The following ELFN2 variants were observed in gnomAD, a reference collection of about 807,000 sequenced individuals.
ELFN2 encodes protein phosphatase 1 regulatory subunit 29.
A neutral mutation model predicts 45.5 loss-of-function variants in ELFN2; 17 were observed. The ratio of observed to expected loss-of-function variants is 0.37; its 90% CI spans 0.26 to 0.56. The LOEUF is 0.56. Among genes scored for constraint, ELFN2 ranks in the 20% least tolerant of loss-of-function variants. The pLI is 0.77. For missense variants in ELFN2, 922 were observed against 1,183.2 expected, an observed-to-expected ratio of 0.78 and a Z score of 3.24; for synonymous variants, 550 against 551.5, an observed-to-expected ratio of 1.00 and a Z score of 0.04.
chr22:37,420,760 C>A (rs1234447126), intron 1 of ELFN2, among the ~76,000 whole-genome samples: 4 of 152,192 alleles, frequency 2.6e-5, no homozygotes, highest in Admixed American at 2.6e-4. Flanking sequence ...CTTACAGCAG[C>A]AGTCAACGAA....
chr22:37,426,155 G>A (rs1470035518), intron 1 of ELFN2, among the ~76,000 whole-genome samples: 1 of 152,042 alleles, frequency 6.6e-6, no homozygotes, highest in Non-Finnish European at 1.5e-5. Context: ...TGCTGGGTGG[G>A]AGGAGTCCAG....
chr22:37,341,468 G>T (rs9610718), intron 2 of ELFN2, among the ~76,000 whole-genome samples: 1 of 152,234 alleles, frequency 6.6e-6, no homozygotes, highest in African/African-American at 2.4e-5. Flanking sequence ...GAGGAGGGAA[G>T]GTCTAAAGCA....
chr22:37,350,835 T>C (rs1930805252), intron 1 of ELFN2, among the ~76,000 whole-genome samples: 1 of 149,018 alleles, frequency 6.7e-6, no homozygotes, highest in African/African-American at 2.5e-5. Context: ...GGCAGTCTCC[T>C]TTCACCCCAC....
intron 1 of ELFN2, chr22:37,354,252 G>A (rs1039844581): frequency 1.1e-4 from 16 of 152,196 alleles, no homozygotes; most frequent in African/African-American, 3.9e-4. Flanking sequence ...ACTGCAAAGG[G>A]CCTCATGGAG....
chr22:37,405,874 C>A (rs1021620627), intron 2 of ELFN2, among the ~76,000 whole-genome samples: 1 of 151,690 alleles, frequency 6.6e-6, no homozygotes, highest in Non-Finnish European at 1.5e-5. Context: ...CAATGGCTCG[C>A]GCTTGTCATC....
chr22:37,422,800 G>T (rs1024141217), intron 1 of ELFN2, among the ~76,000 whole-genome samples: 15 of 151,658 alleles, frequency 9.9e-5, no homozygotes, highest in Non-Finnish European at 1.5e-4. Flanking sequence ...TCACCATGTT[G>T]GCCAGGCTGG....
chr22:37,397,934 C>T (rs1241965606), intron 2 of ELFN2, among the ~76,000 whole-genome samples: 3 of 152,276 alleles, frequency 2.0e-5, no homozygotes, highest in Admixed American at 6.5e-5. Context: ...CGGCAGCCCG[C>T]GCAGCTTCTC....
At chr22:37,345,940 T>C (rs1392785722) in intron 1 of ELFN2, among the ~76,000 whole-genome samples, 1 of 152,200 alleles carries the variant, frequency 6.6e-6, no homozygotes, top group Non-Finnish European at 1.5e-5. Flanking sequence ...CCCTGACATC[T>C]GCTGATCCCA....
chr22:37,349,267 T>C (rs2145611748), intron 1 of ELFN2, among the ~76,000 whole-genome samples: 1 of 151,276 alleles, frequency 6.6e-6, no homozygotes, highest in East Asian at 1.9e-4. Flanking sequence ...CAGAGGCCAA[T>C]GGGATGAGGG....
intron 2 of ELFN2, among the ~76,000 whole-genome samples, chr22:37,399,243 A>G (rs12157866): frequency 0.41 from 62,727 of 151,864 alleles, 13,590 homozygotes; most frequent in African/African-American, 0.56. Context: ...CTTCTCAGGC[A>G]GGACTCAAAG....
chr22:37,356,296 C>T (rs1485345116), intron 1 of ELFN2, among the ~76,000 whole-genome samples: 1 of 152,190 alleles, frequency 6.6e-6, no homozygotes, highest in East Asian at 1.9e-4. Context: ...CAGAATTCCC[C>T]AGTTGCACTT....
rs545138236 is a variant in ELFN2, at chr22:37,350,545, C to A, written n.149-7842G>T. 1.6e-3 allele frequency among the ~76,000 whole-genome samples: 247 copies of A among 150,796 alleles called. 5 individuals are homozygous for A. Among genetic ancestry groups the A allele is most frequent in the African/African-American group, 5.4e-3 (223 of 41,420 alleles). ...GCAGGCCCTATCCCCTCTTTCCCTG[C>A]CTCCCCACCGCAGGGCCCTAGGCCC... On this transcript the variant is annotated intron_variant and non_coding_transcript_variant, in intron 1 of 2. Transcript: ENST00000452946.
chr22:37,342,994 C>G (rs541482019), intron 1 of ELFN2, among the ~76,000 whole-genome samples: 1 of 152,136 alleles, frequency 6.6e-6, no homozygotes, highest in African/African-American at 2.4e-5. Context: ...CACTCGGCAC[C>G]CCATGAATGC....
intron 2 of ELFN2, among the ~76,000 whole-genome samples, chr22:37,383,819 G>A (rs536601384): frequency 1.5e-4 from 23 of 152,300 alleles, no homozygotes; most frequent in Admixed American, 8.5e-4. Flanking sequence ...CAGCCAAGGC[G>A]TCAGGGTCTC....
At chr22:37,363,781 A>C (rs1334462778), downstream of ELFN2, among the ~76,000 whole-genome samples, 1 of 152,184 alleles carries the variant, frequency 6.6e-6, no homozygotes, top group Non-Finnish European at 1.5e-5. Flanking sequence ...CACATGCCTG[A>C]GGGAGGGGGC....
intron 2 of ELFN2, among the ~76,000 whole-genome samples, chr22:37,403,366 A>G (rs1440246333): frequency 6.6e-6 from 1 of 152,030 alleles, no homozygotes; most frequent in Non-Finnish European, 1.5e-5. Context: ...CCTAGGGCAG[A>G]GGGCAGGGCC....
chr22:37,364,514 G>A (rs1030971483), downstream of ELFN2, among the ~76,000 whole-genome samples: 1 of 152,186 alleles, frequency 6.6e-6, no homozygotes, highest in African/African-American at 2.4e-5. Flanking sequence ...GCCAAGCCCT[G>A]GGTCATCCCA....
In ELFN2 at chr22:37,374,493, G is replaced by C; in HGVS notation, c.1042C>G (p.Leu348Val). 6.2e-7 allele frequency: 1 copy of C among 1,614,248 alleles called. No homozygotes were observed. The highest frequency in any genetic ancestry group is 1.1e-5 in the South Asian group (1 of 91,088). ...TLKNKKEIVT[L>V]DKLRAHTEYT... is the part of the protein sequence containing the mutation. Reference sequence around the variant, plus strand: ...TCAGTGTGCGCCCGCAGTTTGTCCAGCGTCACGATCTCCTTCTTGTTCTTG... The same window carrying C: ...TCAGTGTGCGCCCGCAGTTTGTCCACCGTCACGATCTCCTTCTTGTTCTTG... The change falls in exon 3 of 3, where the codon CTG becomes GTG. Residue 348 changes from leucine (L) to valine (V), a missense_variant. This residue lies in a region of ELFN2 where 358 missense variants were observed against 540.4 expected (regional missense o/e 0.66). Transcript: ENST00000402918.
chr22:37,404,724 G>A (rs1048207874), intron 2 of ELFN2, among the ~76,000 whole-genome samples: 53 of 152,116 alleles, frequency 3.5e-4, no homozygotes, highest in African/African-American at 1.0e-3. Context: ...GAGGGTCAGC[G>A]CTCAGGGACA....
Sources: allele counts gnomAD v4.1 joint callset (sites outside exome capture counted in the v4.1 genomes callset), GRCh38; gene constraint gnomAD v4.1.1; regional missense constraint gnomAD v4.1.1; transcripts MANE v1.5; gene names NCBI Gene and HGNC (gene_info 2026-07-23, HGNC 2026-07-21).